Variants in ACTR3C observed in about 807,000 individuals in gnomAD.
ACTR3C encodes actin related protein 3C.
ACTR3C carries 18 observed loss-of-function variants against 26.3 expected under a neutral mutation model. The observed-to-expected ratio is 0.68, with a 90% confidence interval of 0.47 to 1.01. The LOEUF (loss-of-function observed/expected upper bound fraction) is 1.01, where lower values mean the gene tolerates loss of function less well. Among genes scored for constraint, ACTR3C ranks in the 50% least tolerant of loss-of-function variants. The probability of loss-of-function intolerance (pLI) is 0.00; values close to 1 mark genes in which losing one functional copy is unlikely to be tolerated. For missense variants in ACTR3C, 184 were observed against 250.7 expected, an observed-to-expected ratio of 0.73 and a Z score of 1.80; for synonymous variants, 55 against 94.5, an observed-to-expected ratio of 0.58 and a Z score of 2.42.
the ACTR3C span, among the ~76,000 whole-genome samples, chr7:149,979,376 G>A: frequency 1.3e-5 from 2 of 152,162 alleles, no homozygotes; most frequent in Non-Finnish European, 2.9e-5. Flanking sequence ...GGTAAGAATG[G>A]CATCTGTGCT....
the ACTR3C span, among the ~76,000 whole-genome samples, chr7:150,134,204 A>G: frequency 6.6e-6 from 1 of 150,660 alleles, no homozygotes. Context: ...ATTAAAGTAT[A>G]ATTTTTTAAA....
At chr7:150,072,104 C>T in the ACTR3C span, among the ~76,000 whole-genome samples, 6 of 142,418 alleles carry the variant, frequency 4.2e-5, no homozygotes, top group South Asian at 2.5e-4. Flanking sequence ...TCAGCCCCAC[C>T]GAGGAGGATG....
chr7:150,129,754 A>T, the ACTR3C span, among the ~76,000 whole-genome samples: 2 of 152,160 alleles, frequency 1.3e-5, no homozygotes, highest in Non-Finnish European at 2.9e-5. Context: ...CTAACATGCC[A>T]ATTCTCCGAA....
chr7:150,308,062 T>C (rs545811408), intron 1 of ACTR3C, among the ~76,000 whole-genome samples: 1 of 152,290 alleles, frequency 6.6e-6, no homozygotes, highest in South Asian at 2.1e-4. Flanking sequence ...GTCTAATCAC[T>C]GCGGGGACGC....
At chr7:150,180,866 A>G in the ACTR3C span, among the ~76,000 whole-genome samples, 1 of 150,062 alleles carries the variant, frequency 6.7e-6, no homozygotes, top group Non-Finnish European at 1.5e-5. Context: ...GAACATTTTT[A>G]TAGTGTTCTT....
At chr7:150,014,767 G>A in the ACTR3C span, among the ~76,000 whole-genome samples, 34 of 149,410 alleles carry the variant, frequency 2.3e-4, no homozygotes, top group African/African-American at 3.3e-4. Context: ...ACTTCATGTC[G>A]TTTAATGGAA....
chr7:150,230,449 T>G, the ACTR3C span, among the ~76,000 whole-genome samples: 1 of 152,122 alleles, frequency 6.6e-6, no homozygotes, highest in Non-Finnish European at 1.5e-5. Flanking sequence ...CAGGTCCCAA[T>G]CCATGGCCTG....
the ACTR3C span, among the ~76,000 whole-genome samples, chr7:149,938,268 C>A: frequency 4.6e-5 from 7 of 152,114 alleles, 1 homozygote; most frequent in Non-Finnish European, 1.0e-4. Flanking sequence ...CAGACAGATA[C>A]CACCAGACCT....
At chr7:150,233,800 C>T in the ACTR3C span, among the ~76,000 whole-genome samples, 5 of 151,772 alleles carry the variant, frequency 3.3e-5, 1 homozygote, top group Admixed American at 3.3e-4. Flanking sequence ...CTGATAATTT[C>T]CAAATTTGTG....
At chr7:150,103,790 A>T in the ACTR3C span, among the ~76,000 whole-genome samples, 1 of 152,158 alleles carries the variant, frequency 6.6e-6, no homozygotes, top group African/African-American at 2.4e-5. Context: ...AGAGCTCAAC[A>T]TTCATATAAC....
the ACTR3C span, among the ~76,000 whole-genome samples, chr7:150,080,513 GTGTT>G: frequency 6.0e-5 from 8 of 132,832 alleles, no homozygotes; most frequent in Admixed American, 6.2e-4. Context: ...TGCTGTATGA[GTGTT>G]TGTGTGTGTA....
the ACTR3C span, among the ~76,000 whole-genome samples, chr7:150,172,987 C>T: frequency 1.3e-5 from 2 of 148,860 alleles, no homozygotes; most frequent in African/African-American, 2.6e-5. Context: ...CAGGGTACAG[C>T]CTCCATCCCA....
chr7:150,082,318 C>G, the ACTR3C span, among the ~76,000 whole-genome samples: 1 of 152,144 alleles, frequency 6.6e-6, no homozygotes, highest in Non-Finnish European at 1.5e-5. Flanking sequence ...CTTTCAGTGC[C>G]TTTCTCCTGC....
chr7:149,996,519 A>G, the ACTR3C span, among the ~76,000 whole-genome samples: 21 of 132,434 alleles, frequency 1.6e-4, 1 homozygote, highest in Non-Finnish European at 3.1e-4. Flanking sequence ...AATAACTGGG[A>G]TTTTTTTTTT....
intron 1 of ACTR3C, among the ~76,000 whole-genome samples, chr7:150,320,599 C>T (rs1434199887): frequency 1.3e-5 from 2 of 152,124 alleles, no homozygotes; most frequent in Non-Finnish European, 2.9e-5. Flanking sequence ...CCCGTCTCTA[C>T]TAAAAATATA....
the ACTR3C span, among the ~76,000 whole-genome samples, chr7:150,061,687 C>T: frequency 9.0e-5 from 2 of 22,146 alleles, no homozygotes. Context: ...TAATCTTTGT[C>T]CACTGACTTC....
the ACTR3C span, among the ~76,000 whole-genome samples, chr7:150,211,931 G>T: frequency 6.8e-6 from 1 of 146,588 alleles, no homozygotes; most frequent in Non-Finnish European, 1.5e-5. Context: ...CGCACATTTT[G>T]TCAGATGTAA....
chr7:150,009,297 G>A, the ACTR3C span, among the ~76,000 whole-genome samples: 2 of 152,216 alleles, frequency 1.3e-5, no homozygotes, highest in East Asian at 3.9e-4. Context: ...AGGGACATAA[G>A]AATCTGTCCT....
the ACTR3C span, among the ~76,000 whole-genome samples, chr7:150,081,512 G>A: frequency 6.6e-6 from 1 of 151,298 alleles, no homozygotes. Context: ...AGTCATCTAA[G>A]GTTTGTAGCC....
Sources: gnomAD v4.1 joint callset for allele counts (sites outside exome capture counted in the v4.1 genomes callset) on GRCh38, gnomAD v4.1.1 for gene constraint, MANE v1.5 for transcripts, NCBI Gene and HGNC (gene_info 2026-07-23, HGNC 2026-07-21) for gene names.